The following CAMK4 variants were observed in gnomAD, a reference collection of about 807,000 sequenced individuals.
CAMK4 encodes calcium/calmodulin dependent protein kinase IV.
Under a neutral mutation model 44.9 loss-of-function variants are expected in CAMK4, and 22 were observed. The ratio of observed to expected loss-of-function variants is 0.49; its 90% CI spans 0.35 to 0.70. CAMK4 has a LOEUF of 0.70. CAMK4 is among the 30% of genes least tolerant of loss of function. The probability of loss-of-function intolerance (pLI) is 0.01; values close to 1 mark genes in which losing one functional copy is unlikely to be tolerated. For missense variants in CAMK4, 498 were observed against 586.8 expected, an observed-to-expected ratio of 0.85 and a Z score of 1.56; for synonymous variants, 218 against 215.4, an observed-to-expected ratio of 1.01 and a Z score of -0.11.
At chr5:111,406,492 G>A (rs1384080990) in intron 5 of CAMK4, among the ~76,000 whole-genome samples, 1 of 151,792 alleles carries the variant, frequency 6.6e-6, no homozygotes, top group Non-Finnish European at 1.5e-5. Flanking sequence ...CCAAAGTGCT[G>A]GGATTACAGG....
At chr5:111,399,552 G>T (rs1752145717) in intron 5 of CAMK4, among the ~76,000 whole-genome samples, 1 of 152,158 alleles carries the variant, frequency 6.6e-6, no homozygotes, top group Non-Finnish European at 1.5e-5. Flanking sequence ...ACATGACAAA[G>T]TAGGAGCTCA....
At chr5:111,315,702 A>T (rs890345889) in intron 1 of CAMK4, among the ~76,000 whole-genome samples, 5 of 152,122 alleles carry the variant, frequency 3.3e-5, no homozygotes, top group African/African-American at 1.2e-4. Flanking sequence ...GGAGGAGCTA[A>T]ATAAATGTTA....
intron 1 of CAMK4, among the ~76,000 whole-genome samples, chr5:111,240,108 T>C (rs1286086885): frequency 2.0e-5 from 3 of 152,200 alleles, no homozygotes; most frequent in Non-Finnish European, 4.4e-5. Context: ...TAGTTTTTTT[T>C]CTTCTAAAAG....
At chr5:111,387,551 G>C (rs369267924) in intron 4 of CAMK4, among the ~76,000 whole-genome samples, 1 of 152,176 alleles carries the variant, frequency 6.6e-6, no homozygotes, top group Non-Finnish European at 1.5e-5. Context: ...CCACACAGCT[G>C]TTCTTCCTCT....
At chr5:111,454,653 A>AG (rs1431276015) in intron 7 of CAMK4, among the ~76,000 whole-genome samples, 2 of 151,234 alleles carry the variant, frequency 1.3e-5, no homozygotes, top group Non-Finnish European at 2.9e-5. Flanking sequence ...CAGACAAAAA[A>AG]AAAAAAAAAA....
In CAMK4 at chr5:111,410,909, T is replaced by C. The variant is rs186950423; in HGVS notation, c.459+16127T>C. ...CAGTAATAGCCACACACTTCCTAGG[T>C]GTTGGTAGAATCATGTAAAATGGTG... On this transcript the variant is annotated intron_variant, in intron 5 of 10. Transcript: ENST00000282356. 8.5e-5 allele frequency among the ~76,000 whole-genome samples: 13 copies of C among 152,234 alleles called. No homozygotes were observed. In the East Asian group the frequency reaches 2.5e-3, roughly 29 times the overall value.
intron 1 of CAMK4, among the ~76,000 whole-genome samples, chr5:111,240,858 A>T (rs527988880): frequency 6.6e-6 from 1 of 152,306 alleles, no homozygotes; most frequent in South Asian, 2.1e-4. Flanking sequence ...AAATAACCCT[A>T]TGACTTTAGT....
chr5:111,339,045 A>G (rs452123), intron 1 of CAMK4, among the ~76,000 whole-genome samples: 138,652 of 151,342 alleles, frequency 0.92, 63,635 homozygotes, highest in East Asian at 1. Context: ...GCTTTAAGCC[A>G]TATGCTTTGC....
At chr5:111,358,415 C>G (rs1398649208) in intron 2 of CAMK4, among the ~76,000 whole-genome samples, 1 of 151,994 alleles carries the variant, frequency 6.6e-6, no homozygotes, top group Non-Finnish European at 1.5e-5. Flanking sequence ...GAATATGTCA[C>G]AGGATAAATT....
At chr5:111,425,072 A>AG (rs1217322950) in intron 5 of CAMK4, among the ~76,000 whole-genome samples, 3 of 150,226 alleles carry the variant, frequency 2.0e-5, no homozygotes, top group African/African-American at 7.3e-5. Context: ...CTGAGGTGGG[A>AG]GGATGGCTTG....
chr5:111,309,764 A>T (rs1580566440), intron 1 of CAMK4, among the ~76,000 whole-genome samples: 1 of 152,114 alleles, frequency 6.6e-6, no homozygotes. Context: ...AACTTTGCTT[A>T]TTTTTAAAAA....
chr5:111,360,913 C>A (rs1032267324), intron 2 of CAMK4, among the ~76,000 whole-genome samples: 2 of 152,030 alleles, frequency 1.3e-5, no homozygotes, highest in Non-Finnish European at 2.9e-5. Flanking sequence ...TCTCTAGAAT[C>A]TCTGTCTTTC....
At chr5:111,319,953 C>A (rs941365266) in intron 1 of CAMK4, among the ~76,000 whole-genome samples, 1 of 152,030 alleles carries the variant, frequency 6.6e-6, no homozygotes, top group African/African-American at 2.4e-5. Flanking sequence ...TGTGAATCAA[C>A]CACAGAGGAG....
intron 1 of CAMK4, among the ~76,000 whole-genome samples, chr5:111,292,586 T>G (rs1283230410): frequency 6.6e-6 from 1 of 151,970 alleles, no homozygotes; most frequent in East Asian, 1.9e-4. Context: ...AAAATCTAAG[T>G]CCTCCCTTAG....
intron 1 of CAMK4, among the ~76,000 whole-genome samples, chr5:111,245,465 G>A (rs10078394): frequency 0.31 from 47,617 of 152,018 alleles, 7,765 homozygotes; most frequent in South Asian, 0.43. Context: ...TGAAAAATGT[G>A]GATACTAATA....
chr5:111,390,865 G>A (rs1460924937), intron 4 of CAMK4, among the ~76,000 whole-genome samples: 2 of 152,104 alleles, frequency 1.3e-5, no homozygotes, highest in African/African-American at 4.8e-5. Context: ...ACAACAGGAA[G>A]AGCCATGTGG....
Position 111,438,451 on chromosome 5 carries a change from G to A in CAMK4, c.460-8235G>A, listed in dbSNP as rs1361614868. Among the ~76,000 whole-genome samples, 8 of 152,156 alleles carry A rather than the reference G, an allele frequency of 5.3e-5. No homozygotes were observed. In the East Asian group the frequency reaches 1.5e-3, roughly 29 times the overall value. On this transcript the variant is annotated intron_variant, in intron 5 of 10. Coordinates refer to ENST00000282356, the MANE Select transcript of CAMK4 (RefSeq NM_001744.6). ...TCACATCATTTGTAGCAAACATGTG[G>A]TATTCAGGATTAACAAATATATGAA...
intron 1 of CAMK4, among the ~76,000 whole-genome samples, chr5:111,281,654 G>C (rs2112605243): frequency 6.6e-6 from 1 of 152,284 alleles, no homozygotes; most frequent in South Asian, 2.1e-4. Context: ...TTTGATTTAA[G>C]AAGTCAAGTT....
At chr5:111,316,585 G>A (rs894304751) in intron 1 of CAMK4, among the ~76,000 whole-genome samples, 12 of 152,098 alleles carry the variant, frequency 7.9e-5, no homozygotes, top group African/African-American at 1.9e-4. Context: ...GAAGATGCAC[G>A]GTGAAGGCTC....
Sources: allele counts gnomAD v4.1 joint callset (sites outside exome capture counted in the v4.1 genomes callset), GRCh38; gene constraint gnomAD v4.1.1; transcripts MANE v1.5; gene names NCBI Gene and HGNC (gene_info 2026-07-23, HGNC 2026-07-21).